The following OR2C1 variants were observed in gnomAD, a reference collection of about 807,000 sequenced individuals.
OR2C1 encodes olfactory receptor 2C1.
For synonymous variants in OR2C1, 209 were observed against 167.3 expected (o/e 1.25, Z -1.92); for missense variants, 468 against 388.3 (o/e 1.21, Z -1.73).
the OR2C1 span, among the ~76,000 whole-genome samples, chr16:3,327,640 T>C: frequency 6.6e-6 from 1 of 151,136 alleles, no homozygotes; most frequent in Non-Finnish European, 1.5e-5. Flanking sequence ...GAGCAAGTTA[T>C]TACTAACTTG....
chr16:3,337,230 C>T, the OR2C1 span, among the ~76,000 whole-genome samples: 1 of 151,778 alleles, frequency 6.6e-6, no homozygotes, highest in East Asian at 1.9e-4. Context: ...TCTCTGCTCA[C>T]TGCAACCTGC....
the OR2C1 span, among the ~76,000 whole-genome samples, chr16:3,349,906 A>G: frequency 6.6e-6 from 1 of 151,928 alleles, no homozygotes; most frequent in Admixed American, 6.6e-5. Context: ...CGTCTCAAAA[A>G]AAAAATTCAC....
the OR2C1 span, among the ~76,000 whole-genome samples, chr16:3,338,538 C>CTTTTTTTTTT: frequency 0.049 from 5,023 of 102,712 alleles, 894 homozygotes; most frequent in African/African-American, 0.14. Flanking sequence ...GTATAGGTAC[C>CTTTTTTTTTT]TTTTTTTTTT....
the OR2C1 span, among the ~76,000 whole-genome samples, chr16:3,339,135 C>G: frequency 1.3e-5 from 2 of 152,144 alleles, no homozygotes; most frequent in Non-Finnish European, 2.9e-5. Context: ...TCTGGCTTCT[C>G]TCATTTAGCC....
the OR2C1 span, among the ~76,000 whole-genome samples, chr16:3,325,458 AAAATATATATATATATATATATAT>A: frequency 3.3e-5 from 2 of 60,540 alleles, no homozygotes; most frequent in East Asian, 6.2e-4. Context: ...ATTATGTCTA[AAAATATATATATATATATATATAT>A]ATATATATAT....
At chr16:3,325,502 T>TAC in the OR2C1 span, among the ~76,000 whole-genome samples, 10 of 121,578 alleles carry the variant, frequency 8.2e-5, no homozygotes, top group African/African-American at 2.8e-4. Context: ...TATATATATA[T>TAC]ATACACTTTA....
At chr16:3,348,766 C>T in the OR2C1 span, among the ~76,000 whole-genome samples, 1,088 of 152,284 alleles carry the variant, frequency 7.1e-3, 11 homozygotes, top group African/African-American at 0.024. Context: ...TGACATCTAA[C>T]GGCCTAATCA....
the OR2C1 span, chr16:3,322,966 A>C: frequency 1.0e-6 from 1 of 983,370 alleles, no homozygotes; most frequent in Non-Finnish European, 1.2e-6. Context: ...GAGGCAGCCA[A>C]TGTAGAAAAT....
Position 3,356,402 on chromosome 16 carries a change from C to G in OR2C1, c.462C>G (p.Gly154=). The G allele has an allele frequency of 6.2e-7, 1 of 1,613,770 alleles. No homozygotes were observed. The highest frequency in any genetic ancestry group is 8.5e-7 in the Non-Finnish European group (1 of 1,180,030). Reference sequence around the variant, plus strand: ...TGATTGCCTGCCTGGGTGGCTTGGGCAACTCTGTGATCCAGTCAACATTCA... The same window carrying G: ...TGATTGCCTGCCTGGGTGGCTTGGGGAACTCTGTGATCCAGTCAACATTCA... ...LAVIACLGGL[G]NSVIQSTFTL... The change falls in exon 1 of 1, where the codon GGC becomes GGG. Residue 154 remains glycine, a synonymous_variant. Coordinates refer to ENST00000304936, the MANE Select transcript of OR2C1 (RefSeq NM_012368.3).
chr16:3,346,434 C>T, the OR2C1 span, among the ~76,000 whole-genome samples: 24 of 152,112 alleles, frequency 1.6e-4, no homozygotes, highest in Non-Finnish European at 3.4e-4. Context: ...GAAAGTCAGT[C>T]CAGTCTGCCA....
At chr16:3,338,969 C>T in the OR2C1 span, among the ~76,000 whole-genome samples, 1 of 152,160 alleles carries the variant, frequency 6.6e-6, no homozygotes. Context: ...ATATTTTAAT[C>T]ACCCTGAAAG....
chr16:3,356,946 C>A lies in OR2C1; in HGVS notation c.*67C>A. 2 of 1,320,524 alleles carry A rather than the reference C, an allele frequency of 1.5e-6. No homozygotes were observed. Among genetic ancestry groups the A allele is most frequent in the Non-Finnish European group, 2.1e-6 (2 of 973,778 alleles). The allele number at this position is 1,320,524 out of a possible 1,614,324, so 81.8% of individuals were successfully genotyped here. ...TGCGTTTCTCATTAACTCTCTCTGG[C>A]CAGGTGAACATGAGGAATACTAATT... is the stretch of plus-strand genomic sequence containing the variant. On this transcript the variant is annotated 3_prime_UTR_variant, in exon 1 of 1. Coordinates refer to ENST00000304936, the MANE Select transcript of OR2C1 (RefSeq NM_012368.3).
At chr16:3,329,590 C>T in the OR2C1 span, among the ~76,000 whole-genome samples, 5 of 151,194 alleles carry the variant, frequency 3.3e-5, no homozygotes, top group Non-Finnish European at 7.4e-5. Context: ...GCTGGGACTA[C>T]AGATGCCCGC....
the OR2C1 span, chr16:3,323,384 C>T: frequency 1.2e-5 from 11 of 888,684 alleles, no homozygotes; most frequent in African/African-American, 1.3e-4. Flanking sequence ...GCAAATGACA[C>T]CAAACTTCCC....
upstream of OR2C1, among the ~76,000 whole-genome samples, chr16:3,352,849 C>T (rs1455298445): frequency 6.7e-6 from 1 of 150,020 alleles, no homozygotes; most frequent in African/African-American, 2.5e-5. Context: ...TCAAGTGATT[C>T]TCCTGCCTCA....
the OR2C1 span, chr16:3,324,042 A>G: frequency 1.0e-5 from 4 of 400,706 alleles, no homozygotes; most frequent in East Asian, 7.9e-5. Flanking sequence ...CAACTGAATG[A>G]TTTCAAAGCA....
chr16:3,355,232 G>T (rs1408042414), upstream of OR2C1, among the ~76,000 whole-genome samples: 1 of 151,730 alleles, frequency 6.6e-6, no homozygotes, highest in Admixed American at 6.6e-5. Flanking sequence ...AGAGGCTGAG[G>T]CTGGCATATC....
chr16:3,338,123 G>C, the OR2C1 span, among the ~76,000 whole-genome samples: 1 of 152,138 alleles, frequency 6.6e-6, no homozygotes, highest in Non-Finnish European at 1.5e-5. Context: ...TAAGGTTTGG[G>C]TCCAGAGCAC....
the OR2C1 span, among the ~76,000 whole-genome samples, chr16:3,338,538 C>CTTTTTTTTT: frequency 0.036 from 3,714 of 102,902 alleles, 663 homozygotes; most frequent in African/African-American, 0.13. Context: ...GTATAGGTAC[C>CTTTTTTTTT]TTTTTTTTTT....
Sources: allele counts gnomAD v4.1 joint callset (sites outside exome capture counted in the v4.1 genomes callset), GRCh38; gene constraint gnomAD v4.1.1; transcripts MANE v1.5; gene names NCBI Gene and HGNC (gene_info 2026-07-23, HGNC 2026-07-21).